Variants in ZC4H2 observed in about 807,000 individuals in gnomAD.
ZC4H2 encodes the protein zinc finger C4H2 domain-containing protein.
For missense variants in ZC4H2, 137 were observed against 173.9 expected (o/e 0.79, Z 1.19); for synonymous variants, 84 against 66.3 (o/e 1.27, Z -1.30).
chrX:65,018,197 A>C (rs1014923649), intron 1 of ZC4H2, among the ~76,000 whole-genome samples: 6 of 112,771 alleles, frequency 5.3e-5, no homozygotes, highest in Non-Finnish European at 1.1e-4. Context: ...GACGACATAC[A>C]AGCTGCCAAC....
chrX:64,964,808 A>G (rs1459065375), intron 1 of ZC4H2, among the ~76,000 whole-genome samples: 1 of 111,551 alleles, frequency 9.0e-6, no homozygotes, highest in Non-Finnish European at 1.9e-5. Context: ...AATATAATCA[A>G]CAGTTTAAAC....
chrX:65,034,127 G>T (rs1381738212), intron 1 of ZC4H2, among the ~76,000 whole-genome samples: 1 of 109,431 alleles, frequency 9.1e-6, no homozygotes, highest in South Asian at 3.9e-4. Context: ...CAAGGAAACA[G>T]AGCTACTTGG....
chrX:64,998,647 C>G (rs1932465188), intron 1 of ZC4H2, among the ~76,000 whole-genome samples: 1 of 111,166 alleles, frequency 9.0e-6, no homozygotes, highest in African/African-American at 3.3e-5. Flanking sequence ...GTGTTAAGTC[C>G]TCTATATCCT....
chrX:65,007,942 A>G (rs1013248806), intron 1 of ZC4H2, among the ~76,000 whole-genome samples: 3 of 111,943 alleles, frequency 2.7e-5, no homozygotes, highest in South Asian at 7.5e-4. Flanking sequence ...TCAGGTGACC[A>G]AAACAAAAAT....
rs1382172937 is a variant in ZC4H2 at position 64,993,889 on chromosome X, C to T, written c.-272+40740G>A. Among the ~76,000 whole-genome samples the T allele has an allele frequency of 3.6e-5, 4 of 112,086 alleles. No homozygotes were observed. The East Asian group carries it at 1.1e-3, about 31-fold the overall frequency. ...CCTCAAGGCAGTTGTTAGTTCAACT[C>T]TCGTTTTACAGATGAGGAAACTCAG... On this transcript the variant is annotated intron_variant, in intron 1 of 4. Coordinates refer to the ZC4H2 transcript ENST00000337990.
intron 3 of ZC4H2, 99 bp from the exon 4 acceptor site, chrX:64,919,303 G>A: frequency 7.9e-6 from 8 of 1,006,557 alleles, no homozygotes; most frequent in African/African-American, 3.7e-5. Context: ...TTGAGCTGTG[G>A]CTCATTCTAG....
chrX:64,925,706 T>G (rs904100767), intron 1 of ZC4H2, among the ~76,000 whole-genome samples: 2 of 112,182 alleles, frequency 1.8e-5, no homozygotes, highest in African/African-American at 6.5e-5. Flanking sequence ...AATGCCAAAA[T>G]AAACCAAAGA....
chrX:64,930,796 T>C (rs1164310003), intron 1 of ZC4H2, among the ~76,000 whole-genome samples: 3 of 111,761 alleles, frequency 2.7e-5, no homozygotes, highest in East Asian at 5.6e-4. Flanking sequence ...TTTGAATCTA[T>C]GTTCATCAGG....
chrX:64,952,288 T>G, intron 1 of ZC4H2, among the ~76,000 whole-genome samples: 1 of 109,300 alleles, frequency 9.1e-6, no homozygotes, highest in African/African-American at 3.4e-5. Context: ...ATGCAGGCTC[T>G]TTTTTGGTTC....
At chrX:64,918,981 C>A in intron 4 of ZC4H2, 61 bp downstream of exon 4, 1 of 1,120,624 alleles carries the variant, frequency 8.9e-7, no homozygotes, top group South Asian at 2.3e-5. Flanking sequence ...AACTAGCCTT[C>A]CACGGCCCTT....
upstream of ZC4H2, among the ~76,000 whole-genome samples, chrX:64,977,549 G>C (rs1006275937): frequency 1.8e-5 from 2 of 111,819 alleles, no homozygotes; most frequent in African/African-American, 6.5e-5. Context: ...CCAAGCTGGC[G>C]TGTAATGGCA....
chrX:64,953,755 T>C (rs1930989215), intron 1 of ZC4H2, among the ~76,000 whole-genome samples: 1 of 111,714 alleles, frequency 9.0e-6, no homozygotes, highest in African/African-American at 3.3e-5. Flanking sequence ...CAGAAGTCAG[T>C]GTGGCGATTC....
chrX:64,959,836 T>C (rs1931307103), intron 1 of ZC4H2, among the ~76,000 whole-genome samples: 1 of 110,806 alleles, frequency 9.0e-6, no homozygotes, highest in African/African-American at 3.3e-5. Context: ...AAAACACCAA[T>C]GGATTTTAAG....
chrX:65,004,893 C>A (rs1016417656), intron 1 of ZC4H2, among the ~76,000 whole-genome samples: 1 of 111,866 alleles, frequency 8.9e-6, no homozygotes, highest in Non-Finnish European at 1.9e-5. Flanking sequence ...ACTCTGGATA[C>A]AAAATTAGTG....
At chrX:64,993,611 G>A (rs2147274863) in intron 1 of ZC4H2, among the ~76,000 whole-genome samples, 1 of 111,497 alleles carries the variant, frequency 9.0e-6, no homozygotes, top group Non-Finnish European at 1.9e-5. Flanking sequence ...GGATTTCTCA[G>A]CCTCCAGAAC....
intron 1 of ZC4H2, among the ~76,000 whole-genome samples, chrX:64,992,288 C>A (rs896494384): frequency 2.7e-5 from 3 of 111,468 alleles, no homozygotes; most frequent in Admixed American, 1.9e-4. Flanking sequence ...TTCTTGTTCA[C>A]CTTCCCTGCC....
intron 1 of ZC4H2, among the ~76,000 whole-genome samples, chrX:65,000,781 G>A (rs1307411624): frequency 8.9e-6 from 1 of 111,976 alleles, no homozygotes; most frequent in African/African-American, 3.3e-5. Context: ...CGAGAACTTC[G>A]TGAAACATAC....
chrX:64,965,637 C>T, intron 1 of ZC4H2: 1 of 254,358 alleles, frequency 3.9e-6, no homozygotes, highest in Admixed American at 5.3e-5. Flanking sequence ...ATTTCTTCAT[C>T]AACATTAAAA....
At chrX:65,030,490 C>G (rs748684315) in intron 1 of ZC4H2, among the ~76,000 whole-genome samples, 1 of 111,975 alleles carries the variant, frequency 8.9e-6, no homozygotes, top group African/African-American at 3.2e-5. Context: ...TATTTCCAAT[C>G]CTATATCCTC....
Sources: gnomAD v4.1 joint callset for allele counts (sites outside exome capture counted in the v4.1 genomes callset) on GRCh38, gnomAD v4.1.1 for gene constraint, MANE v1.5 for transcripts, NCBI Gene and HGNC (gene_info 2026-07-23, HGNC 2026-07-21) for gene names.